The following LUC7L2 variants were observed in gnomAD, a reference collection of about 807,000 sequenced individuals.
LUC7L2 encodes putative RNA-binding protein Luc7-like 2.
In LUC7L2, 25 loss-of-function variants were observed where a neutral mutation model predicts 52.8. The observed-to-expected ratio is 0.47, with a 90% CI of 0.34 to 0.66. LUC7L2 has a LOEUF of 0.66. LUC7L2 is among the 30% of genes least tolerant of loss of function. The pLI is 0.01. For synonymous variants in LUC7L2, 144 were observed against 160.9 expected (o/e 0.89, Z 0.80); for missense variants, 328 against 497.8 (o/e 0.66, Z 3.25).
At chr7:139,349,998 A>G (rs985158991) in intron 1 of LUC7L2, among the ~76,000 whole-genome samples, 14 of 152,140 alleles carry the variant, frequency 9.2e-5, no homozygotes, top group African/African-American at 3.4e-4. Flanking sequence ...GGTCTCGGCA[A>G]CCACTGACCT....
At chr7:139,394,668 C>G (rs1213865141) in intron 2 of LUC7L2, among the ~76,000 whole-genome samples, 2 of 151,948 alleles carry the variant, frequency 1.3e-5, no homozygotes, top group Admixed American at 1.3e-4. Context: ...AAAGGAGATA[C>G]GGAAGAAAGG....
intron 1 of LUC7L2, chr7:139,371,459 A>G: frequency 6.5e-7 from 1 of 1,547,280 alleles, no homozygotes; most frequent in Non-Finnish European, 8.7e-7. Context: ...CATCGGAGAG[A>G]ATGGGTAAAG....
At chr7:139,358,604 G>T (rs73154137), upstream of LUC7L2, among the ~76,000 whole-genome samples, 1 of 151,892 alleles carries the variant, frequency 6.6e-6, no homozygotes, top group Admixed American at 6.6e-5. Flanking sequence ...TAAACATTTG[G>T]TTTTATTAAC....
chr7:139,382,347 C>T (rs1280943266), intron 2 of LUC7L2, among the ~76,000 whole-genome samples: 2 of 152,084 alleles, frequency 1.3e-5, no homozygotes, highest in East Asian at 3.9e-4. Flanking sequence ...TTGTCGTAGT[C>T]AATATTATTG....
intron 2 of LUC7L2, among the ~76,000 whole-genome samples, chr7:139,383,206 C>A (rs1226262539): frequency 6.6e-6 from 1 of 152,052 alleles, no homozygotes; most frequent in Non-Finnish European, 1.5e-5. Context: ...ACCTCTGCCT[C>A]CCAGGTTCAA....
At chr7:139,398,388 C>G (rs1794751960) in intron 2 of LUC7L2, among the ~76,000 whole-genome samples, 1 of 152,072 alleles carries the variant, frequency 6.6e-6, no homozygotes, top group Non-Finnish European at 1.5e-5. Flanking sequence ...CAAGTGATCC[C>G]TGTTCCCATC....
intron 1 of LUC7L2, among the ~76,000 whole-genome samples, chr7:139,351,835 T>C (rs927742604): frequency 6.6e-6 from 1 of 152,246 alleles, no homozygotes; most frequent in Non-Finnish European, 1.5e-5. Flanking sequence ...TTTCACTTTC[T>C]TTTCTTCAAC....
intron 3 of LUC7L2, among the ~76,000 whole-genome samples, chr7:139,400,622 A>T (rs1413861562): frequency 6.6e-6 from 1 of 152,170 alleles, no homozygotes; most frequent in Non-Finnish European, 1.5e-5. Flanking sequence ...TTCATTTTAT[A>T]GACTTTTAAG....
At chr7:139,395,739 C>T (rs1794631162) in intron 2 of LUC7L2, among the ~76,000 whole-genome samples, 1 of 152,224 alleles carries the variant, frequency 6.6e-6, no homozygotes, top group Non-Finnish European at 1.5e-5. Flanking sequence ...CTCCAGAGCT[C>T]AAGTGATCCC....
chr7:139,357,388 T>C (rs948622752), upstream of LUC7L2, among the ~76,000 whole-genome samples: 2 of 152,192 alleles, frequency 1.3e-5, no homozygotes, highest in African/African-American at 4.8e-5. Flanking sequence ...TTGTATAGAC[T>C]ATTTTTAAGC....
chr7:139,387,649 A>C (rs1311206291), intron 2 of LUC7L2, among the ~76,000 whole-genome samples: 1 of 152,222 alleles, frequency 6.6e-6, no homozygotes, highest in Non-Finnish European at 1.5e-5. Context: ...GTTCCTACGC[A>C]AAACTTGTGG....
At chr7:139,353,877 G>A (rs1194164335) in intron 1 of LUC7L2, among the ~76,000 whole-genome samples, 1 of 152,118 alleles carries the variant, frequency 6.6e-6, no homozygotes, top group Non-Finnish European at 1.5e-5. Flanking sequence ...CACTTTGAGA[G>A]GTCGAGGCAG....
chr7:139,404,873 T>C (rs1795052820), intron 4 of LUC7L2, among the ~76,000 whole-genome samples: 1 of 152,244 alleles, frequency 6.6e-6, no homozygotes, highest in Admixed American at 6.5e-5. Flanking sequence ...ATAAGTAATG[T>C]GGCCAAAATT....
chr7:139,409,692 CTG>C, intron 7 of LUC7L2, 38 bp downstream of exon 7: 5 of 1,546,950 alleles, frequency 3.2e-6, no homozygotes, highest in Non-Finnish European at 4.3e-6. Flanking sequence ...AGTTGAATCT[CTG>C]TGGTTCTAAA....
chr7:139,389,643 GA>G (rs1794344174), intron 2 of LUC7L2, among the ~76,000 whole-genome samples: 1 of 152,118 alleles, frequency 6.6e-6, no homozygotes, highest in East Asian at 1.9e-4. Context: ...GTAAAGTTAT[GA>G]GCCAAGGAAA....
intron 1 of LUC7L2, among the ~76,000 whole-genome samples, chr7:139,342,082 G>C (rs1799008004): frequency 6.6e-6 from 1 of 152,208 alleles, no homozygotes. Flanking sequence ...ACGGACGTCA[G>C]AATGTAAAAT....
chr7:139,381,121 G>T (rs1472537887), intron 2 of LUC7L2, among the ~76,000 whole-genome samples: 1 of 151,888 alleles, frequency 6.6e-6, no homozygotes, highest in African/African-American at 2.4e-5. Context: ...AAAAACTAAG[G>T]CTTAGAGAAA....
At chr7:139,341,556 TGG>T in intron 1 of LUC7L2, 1 of 1,599,772 alleles carries the variant, frequency 6.3e-7, no homozygotes. Context: ...CTCTACGTGC[TGG>T]GGAGGGAGGA....
intron 2 of LUC7L2, among the ~76,000 whole-genome samples, chr7:139,384,964 TTAAAA>T (rs1409383912): frequency 6.6e-6 from 1 of 151,852 alleles, no homozygotes; most frequent in Non-Finnish European, 1.5e-5. Context: ...TATATACTAT[TTAAAA>T]TAACACAATT....
Sources: allele counts gnomAD v4.1 joint callset (sites outside exome capture counted in the v4.1 genomes callset), GRCh38; gene constraint gnomAD v4.1.1; transcripts MANE v1.5; gene names NCBI Gene and HGNC (gene_info 2026-07-23, HGNC 2026-07-21).